RGS6: variants seen among roughly 807,000 people sequenced by gnomAD.
RGS6 encodes the protein regulator of G-protein signaling 6.
In RGS6, 30 loss-of-function variants were observed where a neutral mutation model predicts 78.5. That is an observed-to-expected ratio of 0.38 (90% CI 0.29 to 0.52). RGS6 has a LOEUF of 0.52. Among genes scored for constraint, RGS6 ranks in the 20% least tolerant of loss-of-function variants. RGS6 has a pLI of 0.85. For synonymous variants in RGS6, 206 were observed against 206.0 expected, an observed-to-expected ratio of 1.00 and a Z score of 0.00; for missense variants, 495 against 609.7, an observed-to-expected ratio of 0.81 and a Z score of 1.98.
chr14:72,245,537 G>A (rs1208127630), intron 2 of RGS6, among the ~76,000 whole-genome samples: 1 of 152,220 alleles, frequency 6.6e-6, no homozygotes, highest in Non-Finnish European at 1.5e-5. Flanking sequence ...TTTTGTTTGT[G>A]GCTTGAGAAT....
intron 2 of RGS6, among the ~76,000 whole-genome samples, chr14:72,272,320 T>G (rs2060065561): frequency 6.6e-6 from 1 of 152,190 alleles, no homozygotes; most frequent in African/African-American, 2.4e-5. Context: ...ATGGACAGCA[T>G]GTTTTATGGA....
intron 3 of RGS6, among the ~76,000 whole-genome samples, chr14:72,450,913 C>T (rs987172665): frequency 6.6e-6 from 1 of 152,162 alleles, no homozygotes; most frequent in Non-Finnish European, 1.5e-5. Context: ...TTAAAGGACG[C>T]GATATTATGA....
At chr14:72,194,512 C>T (rs1453426527) in intron 2 of RGS6, among the ~76,000 whole-genome samples, 1 of 152,124 alleles carries the variant, frequency 6.6e-6, no homozygotes, top group African/African-American at 2.4e-5. Context: ...GCTGGAACTA[C>T]AGGTGATGCC....
intron 2 of RGS6, among the ~76,000 whole-genome samples, chr14:72,208,399 C>T (rs577771620): frequency 2.9e-4 from 44 of 152,322 alleles, no homozygotes; most frequent in African/African-American, 9.6e-4. Context: ...ATTCCTCAGT[C>T]GTTTGAGCCA....
Position 72,293,948 on chromosome 14 carries a change from G to A in RGS6, c.85-58147G>A, listed in dbSNP as rs183482808. 5.9e-5 allele frequency among the ~76,000 whole-genome samples: 9 copies of A among 152,270 alleles called. No individual in the cohort carries two copies. In the South Asian group the frequency reaches 1.2e-3, roughly 21 times the overall value. ...GGCTGAATTTGGCCCACAGACCCTC[G>A]TTTGCCAATCCCTGGGCTAAGCTAT... On this transcript the variant is annotated intron_variant, in intron 2 of 17. Coordinates refer to ENST00000553525, the MANE Select transcript of RGS6 (RefSeq NM_001204424.2).
intron 2 of RGS6, among the ~76,000 whole-genome samples, chr14:72,031,494 A>G (rs928225363): frequency 4.6e-5 from 7 of 152,096 alleles, no homozygotes; most frequent in African/African-American, 1.7e-4. Flanking sequence ...TGGTAACATA[A>G]CTCCTCAAAT....
At chr14:72,557,916 C>T (rs1268683604) in intron 17 of RGS6, among the ~76,000 whole-genome samples, 1 of 152,156 alleles carries the variant, frequency 6.6e-6, no homozygotes, top group African/African-American at 2.4e-5. Flanking sequence ...GGGATGGGCC[C>T]AGCAACTGAA....
chr14:72,274,145 A>G (rs747597720), intron 2 of RGS6, among the ~76,000 whole-genome samples: 2 of 152,146 alleles, frequency 1.3e-5, no homozygotes, highest in Non-Finnish European at 2.9e-5. Flanking sequence ...GGTACATTAG[A>G]TACTCTATTT....
At chr14:72,537,492 T>A (rs2097266047) in intron 16 of RGS6, 1 of 702,354 alleles carries the variant, frequency 1.4e-6, no homozygotes, top group East Asian at 2.7e-5. Context: ...AGCAGCTCTC[T>A]GGGTTTCCTG....
At chr14:72,296,069 C>T (rs1416839243) in intron 2 of RGS6, among the ~76,000 whole-genome samples, 1 of 152,222 alleles carries the variant, frequency 6.6e-6, no homozygotes, top group Admixed American at 6.5e-5. Flanking sequence ...TCTATCACCA[C>T]ACTTGGTTCT....
intron 2 of RGS6, among the ~76,000 whole-genome samples, chr14:72,051,484 A>C (rs1203442476): frequency 1.3e-5 from 2 of 152,330 alleles, no homozygotes; most frequent in East Asian, 3.9e-4. Flanking sequence ...AAAAAATATT[A>C]GTACTTAGAA....
intron 14 of RGS6, among the ~76,000 whole-genome samples, chr14:72,512,148 C>T (rs780599349): frequency 6.6e-6 from 1 of 152,094 alleles, no homozygotes; most frequent in African/African-American, 2.4e-5. Flanking sequence ...CAAGATGGAG[C>T]GGTATAGAGG....
the RGS6 span, among the ~76,000 whole-genome samples, chr14:72,577,479 C>G: frequency 6.6e-6 from 1 of 152,132 alleles, no homozygotes; most frequent in South Asian, 2.1e-4. Flanking sequence ...TCCTTTTTAC[C>G]CCACCTCTGA....
intron 13 of RGS6, among the ~76,000 whole-genome samples, chr14:72,503,559 A>C (rs1055319910): frequency 6.7e-6 from 1 of 150,088 alleles, no homozygotes; most frequent in African/African-American, 2.5e-5. Context: ...TAGGATAGAC[A>C]TTTTCATTCA....
intron 2 of RGS6, among the ~76,000 whole-genome samples, chr14:72,327,553 G>A (rs1424600867): frequency 6.6e-6 from 1 of 152,214 alleles, no homozygotes; most frequent in African/African-American, 2.4e-5. Flanking sequence ...AAAAGAGAGA[G>A]CAGCGTACAT....
At chr14:72,508,617 T>G (rs974165464) in intron 13 of RGS6, among the ~76,000 whole-genome samples, 5 of 141,310 alleles carry the variant, frequency 3.5e-5, no homozygotes, top group African/African-American at 1.3e-4. Context: ...TTCCAAGTAT[T>G]GAGAATATGT....
the RGS6 span, among the ~76,000 whole-genome samples, chr14:71,886,971 G>A: frequency 6.6e-6 from 1 of 152,166 alleles, no homozygotes; most frequent in East Asian, 1.9e-4. Flanking sequence ...CCAACATGGT[G>A]AAACCCCATC....
At chr14:72,490,430 C>G (rs1022461407) in intron 12 of RGS6, among the ~76,000 whole-genome samples, 1 of 152,154 alleles carries the variant, frequency 6.6e-6, no homozygotes, top group Non-Finnish European at 1.5e-5. Context: ...ACTAATACAG[C>G]TCTTATTGGT....
At chr14:72,421,615 C>T (rs1049558294) in intron 3 of RGS6, 3 of 152,164 alleles carry the variant, frequency 2.0e-5, no homozygotes, top group Non-Finnish European at 4.4e-5. Context: ...TCTGCTTTGA[C>T]CTTGAGGGGC....
Sources: allele counts gnomAD v4.1 joint callset (sites outside exome capture counted in the v4.1 genomes callset), GRCh38; gene constraint gnomAD v4.1.1; transcripts MANE v1.5; gene names NCBI Gene and HGNC (gene_info 2026-07-23, HGNC 2026-07-21).